The following DCC variants were observed in gnomAD, a reference collection of about 807,000 sequenced individuals.
DCC encodes DCC netrin 1 receptor.
In DCC, 58 loss-of-function variants were observed where a neutral mutation model predicts 172.5. That is an observed-to-expected ratio of 0.34 (90% CI 0.27 to 0.42). The LOEUF (loss-of-function observed/expected upper bound fraction) is 0.42. Ranked by LOEUF, DCC falls within the 10% of genes least tolerant of loss-of-function variation. DCC has a pLI of 1.00. For missense variants in DCC, 1,740 were observed against 1,791.0 expected, an observed-to-expected ratio of 0.97 and a Z score of 0.51; for synonymous variants, 709 against 644.5, an observed-to-expected ratio of 1.10 and a Z score of -1.52.
At chr18:53,190,956 A>G (rs926006983) in intron 9 of DCC, among the ~76,000 whole-genome samples, 1 of 152,172 alleles carries the variant, frequency 6.6e-6, no homozygotes, top group Non-Finnish European at 1.5e-5. Flanking sequence ...AGAAACAAAC[A>G]AACAAACAAA....
chr18:53,438,977 A>G (rs1478359804), intron 22 of DCC, among the ~76,000 whole-genome samples: 6 of 152,170 alleles, frequency 3.9e-5, no homozygotes, highest in Non-Finnish European at 5.9e-5. Flanking sequence ...TGCATCACTT[A>G]ATGATGTTTT....
chr18:52,723,733 A>G (rs2036508044), intron 1 of DCC, among the ~76,000 whole-genome samples: 1 of 152,182 alleles, frequency 6.6e-6, no homozygotes, highest in Non-Finnish European at 1.5e-5. Context: ...AAGTAGACTA[A>G]TGCAAGGAAG....
At chr18:52,842,980 T>G (rs983937736) in intron 2 of DCC, among the ~76,000 whole-genome samples, 3 of 152,172 alleles carry the variant, frequency 2.0e-5, no homozygotes, top group Admixed American at 2.0e-4. Context: ...TGGTTACTAA[T>G]TTAGGTGCTT....
At chr18:52,888,196 A>T (rs1287191157) in intron 2 of DCC, among the ~76,000 whole-genome samples, 1 of 152,202 alleles carries the variant, frequency 6.6e-6, no homozygotes, top group African/African-American at 2.4e-5. Context: ...CTCATTGCTG[A>T]TTGGCTGGAA....
Position 53,486,857 on chromosome 18 carries a change from C to T in DCC, c.3797C>T (p.Pro1266Leu), listed in dbSNP as rs912869366. 1.3e-5 allele frequency: 21 copies of T among 1,614,026 alleles called. No individual in the cohort carries two copies. In the East Asian group the frequency reaches 1.3e-4, roughly 10 times the overall value. Residue 1266 changes from proline to leucine, a missense_variant, in exon 26 of 29, where the codon CCG (proline) becomes CTG (leucine). Pro to Leu is a moderately conservative substitution (Grantham distance 98). Around this residue, in one of 2 missense-constraint regions of DCC, gnomAD observed 1,732 missense variants for 1,767.4 expected, o/e 0.98. Coordinates refer to ENST00000442544, the MANE Select transcript of DCC (RefSeq NM_005215.4). ...AGTGCCCAGTACCCAGGAATCCTCC[C>T]GTCTCCCACCTGTGGATATCCCCAC... Reference protein sequence around the residue: ...LESAQYPGILPSPTCGYPHPQ... With the variant: ...LESAQYPGILLSPTCGYPHPQ...
intron 7 of DCC, among the ~76,000 whole-genome samples, chr18:53,121,218 T>C (rs1168720516): frequency 6.6e-6 from 1 of 151,766 alleles, no homozygotes; most frequent in Non-Finnish European, 1.5e-5. Context: ...AAATGGGACA[T>C]TGGAAACAAA....
chr18:52,980,639 CA>C (rs1209751148), intron 5 of DCC, among the ~76,000 whole-genome samples: 1 of 151,740 alleles, frequency 6.6e-6, no homozygotes, highest in Non-Finnish European at 1.5e-5. Context: ...ATTTTCATAG[CA>C]AAAAATTTTA....
intron 22 of DCC, among the ~76,000 whole-genome samples, chr18:53,439,161 G>T (rs1912119350): frequency 6.6e-6 from 1 of 152,180 alleles, no homozygotes; most frequent in South Asian, 2.1e-4. Flanking sequence ...TATTTTGCTA[G>T]CAAATAAATG....
chr18:52,963,482 T>A (rs1265794699), intron 5 of DCC, among the ~76,000 whole-genome samples: 1 of 152,032 alleles, frequency 6.6e-6, no homozygotes, highest in African/African-American at 2.4e-5. Context: ...TGCAATTTAG[T>A]GAACAAAAGA....
intron 1 of DCC, among the ~76,000 whole-genome samples, chr18:52,522,483 A>G (rs2031851377): frequency 6.6e-6 from 1 of 152,120 alleles, no homozygotes; most frequent in East Asian, 1.9e-4. Flanking sequence ...TTCTTTCTCT[A>G]ATTTCAGAGT....
At chr18:52,793,792 C>A (rs878988242) in intron 2 of DCC, among the ~76,000 whole-genome samples, 1 of 152,070 alleles carries the variant, frequency 6.6e-6, no homozygotes, top group Admixed American at 6.6e-5. Flanking sequence ...ACTCTTTAAC[C>A]ATTTTGAGTT....
intron 4 of DCC, among the ~76,000 whole-genome samples, chr18:52,924,123 A>G (rs2040165072): frequency 6.6e-6 from 1 of 152,202 alleles, no homozygotes; most frequent in South Asian, 2.1e-4. Flanking sequence ...GGTCCTGTCC[A>G]AAGAGTCTTC....
intron 1 of DCC, among the ~76,000 whole-genome samples, chr18:52,634,520 A>G (rs1026035123): frequency 1.3e-5 from 2 of 152,214 alleles, no homozygotes; most frequent in Non-Finnish European, 2.9e-5. Context: ...GTGGAAAAAT[A>G]TTAGCATGTA....
chr18:52,954,942 G>C (rs929865449), intron 5 of DCC, among the ~76,000 whole-genome samples: 2 of 152,104 alleles, frequency 1.3e-5, no homozygotes, highest in African/African-American at 2.4e-5. Flanking sequence ...TGAGCAGAAA[G>C]TACGGAGTTC....
chr18:53,416,987 A>G (rs1300145714), intron 21 of DCC, among the ~76,000 whole-genome samples: 1 of 152,182 alleles, frequency 6.6e-6, no homozygotes, highest in Non-Finnish European at 1.5e-5. Flanking sequence ...AGGAAAAACT[A>G]TAAACTGGTT....
At chr18:52,600,210 TC>T (rs942191021) in intron 1 of DCC, among the ~76,000 whole-genome samples, 7 of 152,112 alleles carry the variant, frequency 4.6e-5, no homozygotes, top group African/African-American at 1.7e-4. Flanking sequence ...ATGATTTGCT[TC>T]CCCCACACCT....
chr18:52,357,160 A>C (rs1188851866), intron 1 of DCC, among the ~76,000 whole-genome samples: 2 of 152,284 alleles, frequency 1.3e-5, no homozygotes, highest in South Asian at 2.1e-4. Flanking sequence ...TTTATTCCCC[A>C]AAAATTCATG....
intron 25 of DCC, among the ~76,000 whole-genome samples, chr18:53,471,406 A>AT (rs1015005673): frequency 6.6e-6 from 1 of 152,132 alleles, no homozygotes; most frequent in African/African-American, 2.4e-5. Context: ...TATTCATTCT[A>AT]TTTTTTGTAC....
intron 25 of DCC, among the ~76,000 whole-genome samples, chr18:53,470,553 A>G (rs1421574407): frequency 1.3e-5 from 2 of 152,202 alleles, no homozygotes; most frequent in Admixed American, 1.3e-4. Flanking sequence ...TTACTGTATT[A>G]GTCCGTTTTC....
Sources: allele counts gnomAD v4.1 joint callset (sites outside exome capture counted in the v4.1 genomes callset), GRCh38; gene constraint gnomAD v4.1.1; regional missense constraint gnomAD v4.1.1; transcripts MANE v1.5; gene names NCBI Gene and HGNC (gene_info 2026-07-23, HGNC 2026-07-21).